Variants in ARHGAP28 observed in about 807,000 individuals in gnomAD.
The protein encoded by ARHGAP28 is Rho GTPase activating protein 28.
Under a neutral mutation model 90.7 loss-of-function variants are expected in ARHGAP28, and 56 were observed. That is an observed-to-expected ratio of 0.62 (90% CI 0.50 to 0.77). ARHGAP28 has a LOEUF of 0.77. ARHGAP28 is among the 30% of genes least tolerant of loss of function. ARHGAP28 has a pLI of 0.00. For missense variants in ARHGAP28, 869 were observed against 900.9 expected, an observed-to-expected ratio of 0.96 and a Z score of 0.45; for synonymous variants, 308 against 323.3, an observed-to-expected ratio of 0.95 and a Z score of 0.51.
chr18:6,883,071 A>G (rs2057191628), intron 11 of ARHGAP28, among the ~76,000 whole-genome samples: 1 of 152,076 alleles, frequency 6.6e-6, no homozygotes, highest in East Asian at 1.9e-4. Context: ...ATGCTAAGTA[A>G]ATGTTGATTC....
At chr18:6,751,147 T>A (rs2056065790) in intron 1 of ARHGAP28, among the ~76,000 whole-genome samples, 1 of 152,168 alleles carries the variant, frequency 6.6e-6, no homozygotes, top group Non-Finnish European at 1.5e-5. Context: ...TGTATGATTT[T>A]TTTTAATTGA....
chr18:6,776,398 C>T (rs1371295183), intron 1 of ARHGAP28, among the ~76,000 whole-genome samples: 1 of 152,152 alleles, frequency 6.6e-6, no homozygotes, highest in African/African-American at 2.4e-5. Flanking sequence ...ACAGTTCAGT[C>T]AAGATGTACA....
At chr18:6,841,180 C>CTCCT (rs1491103592) in intron 3 of ARHGAP28, among the ~76,000 whole-genome samples, 1 of 57,064 alleles carries the variant, frequency 1.8e-5, no homozygotes, top group Non-Finnish European at 3.2e-5. Context: ...CTCTCTCTCT[C>CTCCT]CTCTCTCTCT....
chr18:6,803,912 G>T lies in ARHGAP28; in HGVS notation c.123-20850G>T, dbSNP rs554122255. ...TCCTGCCTCAGCCTCCCGAGTAGCT[G>T]GGACTACAGGCGCCTCCCACCACGC... On this transcript the variant is annotated intron_variant, in intron 1 of 17. Coordinates refer to ENST00000383472, the MANE Select transcript of ARHGAP28 (RefSeq NM_001366230.1). Among the ~76,000 whole-genome samples, 41 of 152,128 alleles carry T rather than the reference G, an allele frequency of 2.7e-4. No individual in the cohort carries two copies. The East Asian group carries it at 7.5e-3, about 28-fold the overall frequency.
At chr18:6,799,213 G>GTTTGTAT (rs889156156) in intron 1 of ARHGAP28, among the ~76,000 whole-genome samples, 1 of 151,962 alleles carries the variant, frequency 6.6e-6, no homozygotes, top group Non-Finnish European at 1.5e-5. Flanking sequence ...AAATACAATG[G>GTTTGTAT]TTTCTGCTCA....
At chr18:6,764,881 G>A (rs980443908) in intron 1 of ARHGAP28, among the ~76,000 whole-genome samples, 5 of 151,910 alleles carry the variant, frequency 3.3e-5, no homozygotes, top group African/African-American at 9.7e-5. Flanking sequence ...ACTTTACAAC[G>A]CGCTTAACCA....
At chr18:6,735,710 A>G (rs2055920896) in intron 1 of ARHGAP28, among the ~76,000 whole-genome samples, 2 of 151,974 alleles carry the variant, frequency 1.3e-5, no homozygotes, top group South Asian at 4.1e-4. Context: ...ACATGCCACC[A>G]TGCCTGACTA....
chr18:6,788,638 AT>A (rs1335034139), intron 1 of ARHGAP28: 2 of 150,964 alleles, frequency 1.3e-5, no homozygotes, highest in Non-Finnish European at 1.5e-5. Context: ...ATTTTTTTGT[AT>A]TTTTTTTAGT....
chr18:6,794,576 A>G (rs2056428565), intron 1 of ARHGAP28, among the ~76,000 whole-genome samples: 1 of 152,168 alleles, frequency 6.6e-6, no homozygotes. Flanking sequence ...TTTTTCTTAT[A>G]AATTCTTTTA....
At chr18:6,847,113 T>G (rs2056871612) in intron 3 of ARHGAP28, among the ~76,000 whole-genome samples, 1 of 152,114 alleles carries the variant, frequency 6.6e-6, no homozygotes. Context: ...TACTCAGAGA[T>G]ACACAAGAAC....
intron 1 of ARHGAP28, among the ~76,000 whole-genome samples, chr18:6,815,918 T>A (rs1460725763): frequency 1.3e-5 from 2 of 151,802 alleles, no homozygotes; most frequent in Non-Finnish European, 1.5e-5. Context: ...TTTTTTTTTT[T>A]AAAGAAAGAA....
At chr18:6,879,748 T>G (rs2057162585) in intron 10 of ARHGAP28, among the ~76,000 whole-genome samples, 1 of 152,246 alleles carries the variant, frequency 6.6e-6, no homozygotes, top group Non-Finnish European at 1.5e-5. Flanking sequence ...GTGCGGTGTT[T>G]ATTGAGAGCT....
Position 6,850,742 on chromosome 18 carries a change from C to T in ARHGAP28, c.544-292C>T, listed in dbSNP as rs199848954. 4.9e-6 allele frequency: 7 copies of T among 1,417,058 alleles called. No homozygotes were observed. The East Asian group carries it at 1.7e-4, about 35-fold the overall frequency. 87.8% of individuals were successfully genotyped at this position (1,417,058 alleles called of 1,614,324 possible). A position where few individuals can be genotyped will look rare whatever the true frequency, so the allele number is the denominator to read the frequency against. ...TTAGTTAGAACATACCATCTTGGAG[C>T]AAAATCATGATATTCATAAGTTAGG... On this transcript the variant is annotated intron_variant, in intron 3 of 17. Transcript: ENST00000383472.
In ARHGAP28 at chr18:6,882,160, C is replaced by A; in HGVS notation, c.1314C>A (p.Ala438=). Residue 438 remains alanine (A), a synonymous_variant, in exon 11 of 18, where the codon GCC becomes GCA. Transcript: ENST00000383472. ...AGCAATACCGTGAAGAACTTGATGC[C>A]AAGTTTAATGCTGATAAATTTAAAT... ...KVKQYREELD[A]KFNADKFKWD... is the part of the protein sequence containing the mutation. The A allele has an allele frequency of 6.2e-7, 1 of 1,613,390 alleles. No homozygotes were observed. Among genetic ancestry groups the A allele is most frequent in the Non-Finnish European group, 8.5e-7 (1 of 1,179,696 alleles).
intron 1 of ARHGAP28, among the ~76,000 whole-genome samples, chr18:6,817,995 T>A (rs954195109): frequency 2.6e-5 from 4 of 152,224 alleles, no homozygotes; most frequent in African/African-American, 9.6e-5. Flanking sequence ...GCACCCATGA[T>A]AGCCACACCC....
Position 6,762,960 on chromosome 18 carries a change from G to A in ARHGAP28, c.122+33017G>A, listed in dbSNP as rs4486986. Among the ~76,000 whole-genome samples the A allele has an allele frequency of 2.9e-3, 435 of 152,258 alleles. 2 individuals are homozygous for A. Among genetic ancestry groups the A allele is most frequent in the African/African-American group, 9.7e-3 (403 of 41,554 alleles). ...GAGCATAGAAATAATGTTTTCTGGG[G>A]TACTCTCTGGGCCAGGCCAGGTGCC... On this transcript the variant is annotated intron_variant, in intron 1 of 17. Coordinates refer to ENST00000383472, the MANE Select transcript of ARHGAP28 (RefSeq NM_001366230.1).
chr18:6,874,351 G>C (rs777402600), intron 9 of ARHGAP28, among the ~76,000 whole-genome samples: 2 of 152,120 alleles, frequency 1.3e-5, no homozygotes, highest in East Asian at 3.9e-4. Context: ...GAATAATTTT[G>C]GTGGAAGGAG....
intron 2 of ARHGAP28, among the ~76,000 whole-genome samples, chr18:6,825,186 A>G (rs2143774691): frequency 6.6e-6 from 1 of 152,284 alleles, no homozygotes; most frequent in Middle Eastern, 3.4e-3. Flanking sequence ...CTGGACCTCA[A>G]CAAAAATACA....
chr18:6,831,838 C>A (rs1004650427), intron 2 of ARHGAP28, among the ~76,000 whole-genome samples: 3 of 152,046 alleles, frequency 2.0e-5, no homozygotes, highest in African/African-American at 7.2e-5. Context: ...TCAGTACTCA[C>A]CATTAAACAT....
Sources: allele counts gnomAD v4.1 joint callset (sites outside exome capture counted in the v4.1 genomes callset), GRCh38; gene constraint gnomAD v4.1.1; transcripts MANE v1.5; gene names NCBI Gene and HGNC (gene_info 2026-07-23, HGNC 2026-07-21).